Variants in ANO4 observed in about 807,000 individuals in gnomAD.
ANO4 encodes the protein anoctamin-4.
ANO4 carries 69 observed loss-of-function variants against 141.9 expected under a neutral mutation model. The observed-to-expected ratio is 0.49, with a 90% CI of 0.40 to 0.59. The LOEUF is 0.59. ANO4 is among the 20% of genes least tolerant of loss of function. The pLI is 0.00. For synonymous variants in ANO4, 350 were observed against 394.3 expected, an observed-to-expected ratio of 0.89 and a Z score of 1.33; for missense variants, 894 against 1,162.2, an observed-to-expected ratio of 0.77 and a Z score of 3.36.
At chr12:101,101,906 A>C (rs771485816) in intron 22 of ANO4, among the ~76,000 whole-genome samples, 3 of 152,044 alleles carry the variant, frequency 2.0e-5, no homozygotes, top group Non-Finnish European at 2.9e-5. Flanking sequence ...AATGTGGTGA[A>C]ACGCCGTCTG....
chr12:101,110,832 A>C (rs1309886729), intron 23 of ANO4, among the ~76,000 whole-genome samples: 1 of 152,196 alleles, frequency 6.6e-6, no homozygotes, highest in Non-Finnish European at 1.5e-5. Context: ...TAAAATTTAG[A>C]TTTATTATCA....
At chr12:100,886,587 T>TTCCC (rs1264790158) in intron 1 of ANO4, among the ~76,000 whole-genome samples, 1 of 152,168 alleles carries the variant, frequency 6.6e-6, no homozygotes, top group East Asian at 1.9e-4. Flanking sequence ...TTGTGAAGCC[T>TTCCC]TCCCTGGTAG....
intron 1 of ANO4, among the ~76,000 whole-genome samples, chr12:100,897,024 G>A (rs79797255): frequency 0.032 from 4,859 of 152,238 alleles, 197 homozygotes; most frequent in African/African-American, 0.098. Flanking sequence ...TAACATAGGT[G>A]GTAAATGGTG....
At chr12:101,094,623 T>C (rs1323970211) in intron 18 of ANO4, among the ~76,000 whole-genome samples, 1 of 152,222 alleles carries the variant, frequency 6.6e-6, no homozygotes, top group African/African-American at 2.4e-5. Context: ...CTATTGCCTA[T>C]AATTTTTGTT....
chr12:100,876,140 C>T (rs764259694), intron 1 of ANO4, among the ~76,000 whole-genome samples: 1 of 151,956 alleles, frequency 6.6e-6, no homozygotes, highest in Non-Finnish European at 1.5e-5. Context: ...TTTCGCCAGG[C>T]CCTACAAATT....
intron 3 of ANO4, among the ~76,000 whole-genome samples, chr12:100,930,588 TA>T (rs35289191): frequency 0.17 from 25,673 of 152,118 alleles, 2,717 homozygotes; most frequent in Middle Eastern, 0.34. Context: ...TTTAAATGAA[TA>T]TTTTTTTTAA....
intron 26 of ANO4, among the ~76,000 whole-genome samples, chr12:101,125,453 C>CTTTA (rs1002812295): frequency 2.0e-5 from 3 of 152,160 alleles, no homozygotes; most frequent in African/African-American, 7.2e-5. Context: ...TTTGAATACC[C>CTTTA]TTTATTTATT....
chr12:100,955,693 C>T (rs1384345691), intron 5 of ANO4, among the ~76,000 whole-genome samples: 6 of 152,082 alleles, frequency 3.9e-5, no homozygotes, highest in Non-Finnish European at 8.8e-5. Context: ...AGATGTGAAA[C>T]GGATAGAATA....
intron 7 of ANO4, among the ~76,000 whole-genome samples, chr12:100,985,619 C>T (rs2044675348): frequency 6.6e-6 from 1 of 152,158 alleles, no homozygotes; most frequent in Non-Finnish European, 1.5e-5. Context: ...AGCCCATCAT[C>T]TCACTATATT....
intron 1 of ANO4, among the ~76,000 whole-genome samples, chr12:100,718,828 A>T (rs549989172): frequency 6.6e-6 from 1 of 152,362 alleles, no homozygotes; most frequent in South Asian, 2.1e-4. Context: ...CCATCTGGGG[A>T]TAATTCAATA....
intron 14 of ANO4, among the ~76,000 whole-genome samples, chr12:101,063,072 TA>T (rs34121761): frequency 0.67 from 101,894 of 151,412 alleles, 34,771 homozygotes; most frequent in East Asian, 0.88. Context: ...GAAAAGATAC[TA>T]ATCTGGGCCA....
chr12:100,987,899 T>C (rs2044790189), intron 8 of ANO4, among the ~76,000 whole-genome samples: 1 of 152,152 alleles, frequency 6.6e-6, no homozygotes. Flanking sequence ...TGCTTGCTCA[T>C]GTGTGTGTTG....
chr12:100,928,930 G>A (rs1447450431), intron 3 of ANO4, among the ~76,000 whole-genome samples: 1 of 151,988 alleles, frequency 6.6e-6, no homozygotes, highest in Non-Finnish European at 1.5e-5. Flanking sequence ...TATAAACATT[G>A]CCATTATTGA....
intron 3 of ANO4, among the ~76,000 whole-genome samples, chr12:100,755,335 C>G (rs2032560356): frequency 6.6e-6 from 1 of 152,154 alleles, no homozygotes; most frequent in East Asian, 1.9e-4. Context: ...GATTCCTCCT[C>G]AAGGGCTTCC....
intron 1 of ANO4, among the ~76,000 whole-genome samples, chr12:100,854,518 T>G (rs1565939065): frequency 6.6e-6 from 1 of 152,182 alleles, no homozygotes; most frequent in African/African-American, 2.4e-5. Flanking sequence ...GTGCCTCATG[T>G]TTCTTAATGA....
At chr12:100,789,373 C>T (rs971730993) in intron 3 of ANO4, among the ~76,000 whole-genome samples, 1 of 152,140 alleles carries the variant, frequency 6.6e-6, no homozygotes, top group African/African-American at 2.4e-5. Flanking sequence ...AGTCACTGGC[C>T]TCCTAGGCTG....
chr12:100,802,508 T>C (rs752791329), intron 1 of ANO4, among the ~76,000 whole-genome samples: 1 of 152,200 alleles, frequency 6.6e-6, no homozygotes. Flanking sequence ...TCTAAAAAGA[T>C]TGAAGAATTT....
chr12:100,972,803 C>G (rs1425197146), intron 6 of ANO4, among the ~76,000 whole-genome samples: 2 of 152,124 alleles, frequency 1.3e-5, no homozygotes, highest in African/African-American at 4.8e-5. Flanking sequence ...ATAAATAAAT[C>G]TCATAAAACC....
At chr12:101,104,593 A>ATGTGTG (rs745870723) in intron 22 of ANO4, among the ~76,000 whole-genome samples, 37 of 94,654 alleles carry the variant, frequency 3.9e-4, no homozygotes, top group African/African-American at 1.8e-3. Context: ...TAATATATAT[A>ATGTGTG]TGTGTGTGTG....
Sources: gnomAD v4.1 joint callset for allele counts (sites outside exome capture counted in the v4.1 genomes callset) on GRCh38, gnomAD v4.1.1 for gene constraint, MANE v1.5 for transcripts, NCBI Gene and HGNC (gene_info 2026-07-23, HGNC 2026-07-21) for gene names.